Variants in USH2A observed in about 807,000 individuals in gnomAD.
USH2A encodes Usher syndrome 2A (autosomal recessive, mild).
In USH2A, 443 loss-of-function variants were observed where a neutral mutation model predicts 538.9. The ratio of observed to expected loss-of-function variants is 0.82; its 90% CI spans 0.76 to 0.89. The LOEUF (loss-of-function observed/expected upper bound fraction) is 0.89, where lower values mean the gene tolerates loss of function less well. USH2A is among the 40% of genes least tolerant of loss of function. USH2A has a pLI of 0.00. For missense variants in USH2A, 6,633 were observed against 6,324.8 expected (o/e 1.05, Z -1.65); for synonymous variants, 2,413 against 2,273.5 (o/e 1.06, Z -1.75).
intron 15 of USH2A, among the ~76,000 whole-genome samples, chr1:216,208,767 G>A (rs1261884938): frequency 6.6e-6 from 1 of 152,164 alleles, no homozygotes; most frequent in Non-Finnish European, 1.5e-5. Flanking sequence ...GCATATCAAT[G>A]AAGTCCAGGG....
chr1:216,311,755 C>T (rs2037424541), intron 9 of USH2A, among the ~76,000 whole-genome samples: 2 of 152,060 alleles, frequency 1.3e-5, no homozygotes, highest in South Asian at 4.2e-4. Context: ...TGCGAGAGTT[C>T]CAAGTTGACT....
chr1:215,923,090 C>A (rs1389428169), intron 38 of USH2A, among the ~76,000 whole-genome samples: 2 of 152,078 alleles, frequency 1.3e-5, no homozygotes. Flanking sequence ...TTAAGTTTAG[C>A]ATTTGGCATG....
chr1:216,201,471 G>A (rs963414721), intron 16 of USH2A, among the ~76,000 whole-genome samples: 8 of 151,724 alleles, frequency 5.3e-5, no homozygotes, highest in Admixed American at 4.6e-4. Context: ...CCACCACCAC[G>A]CCCGGCTAAT....
chr1:215,945,278 C>T (rs1349191232), intron 37 of USH2A, among the ~76,000 whole-genome samples: 3 of 152,086 alleles, frequency 2.0e-5, no homozygotes, highest in Non-Finnish European at 4.4e-5. Flanking sequence ...TTAAATCCCC[C>T]AGATGGTGGC....
At chr1:215,630,475 T>C (rs1254061331) in intron 70 of USH2A, among the ~76,000 whole-genome samples, 4 of 15,444 alleles carry the variant, frequency 2.6e-4, no homozygotes. Flanking sequence ...TATGTGTATG[T>C]GTGTGTGTAT....
intron 30 of USH2A, among the ~76,000 whole-genome samples, chr1:216,063,214 T>C (rs1215886359): frequency 6.6e-6 from 1 of 152,230 alleles, no homozygotes; most frequent in Admixed American, 6.5e-5. Context: ...GCAAAACAGC[T>C]GCCTCAAAAC....
At chr1:216,079,334 T>C (rs2031854692) in intron 26 of USH2A, 1 of 152,170 alleles carries the variant, frequency 6.6e-6, no homozygotes, top group Admixed American at 6.6e-5. Context: ...GGCAAACATG[T>C]GGGAGCAATA....
intron 61 of USH2A, among the ~76,000 whole-genome samples, chr1:215,696,318 G>C (rs559916284): frequency 1.6e-4 from 24 of 152,100 alleles, no homozygotes; most frequent in Non-Finnish European, 3.2e-4. Context: ...GCTGTCTTAG[G>C]AGTGGCAGAG....
intron 47 of USH2A, among the ~76,000 whole-genome samples, chr1:215,833,796 G>A (rs991759811): frequency 1.3e-5 from 2 of 151,970 alleles, no homozygotes; most frequent in Admixed American, 1.3e-4. Flanking sequence ...AATCACATAT[G>A]TGACAAAAAC....
intron 21 of USH2A, among the ~76,000 whole-genome samples, chr1:216,121,916 T>C (rs1260939947): frequency 6.6e-6 from 1 of 152,338 alleles, no homozygotes; most frequent in East Asian, 1.9e-4. Flanking sequence ...TGTTCAATAT[T>C]GAACATAAAT....
At chr1:216,301,764 A>AT (rs34707199) in intron 9 of USH2A, among the ~76,000 whole-genome samples, 1 of 152,166 alleles carries the variant, frequency 6.6e-6, no homozygotes, top group Non-Finnish European at 1.5e-5. Flanking sequence ...AAAAGAGGTA[A>AT]TTTTTTTAAC....
At chr1:216,123,405 T>C (rs2033175197) in intron 21 of USH2A, among the ~76,000 whole-genome samples, 1 of 152,218 alleles carries the variant, frequency 6.6e-6, no homozygotes, top group Admixed American at 6.5e-5. Context: ...TGATTAATGT[T>C]ATCTATGACA....
chr1:216,191,828 AT>A (rs1319925377), intron 19 of USH2A, among the ~76,000 whole-genome samples: 1 of 152,020 alleles, frequency 6.6e-6, no homozygotes, highest in Non-Finnish European at 1.5e-5. Context: ...AAGTACAACT[AT>A]TTTTTAAGCA....
chr1:215,882,534 T>C (rs931441411), intron 41 of USH2A, among the ~76,000 whole-genome samples: 5 of 152,184 alleles, frequency 3.3e-5, no homozygotes, highest in Non-Finnish European at 7.4e-5. Flanking sequence ...AGAGTACAAA[T>C]ATATAAATAC....
At chr1:216,152,124 C>G (rs536110667) in intron 21 of USH2A, among the ~76,000 whole-genome samples, 1 of 152,126 alleles carries the variant, frequency 6.6e-6, no homozygotes, top group Admixed American at 6.5e-5. Context: ...TCCATTCTCT[C>G]TCCATACCAC....
chr1:216,113,262 A>G (rs978607220), intron 21 of USH2A, among the ~76,000 whole-genome samples: 1 of 152,076 alleles, frequency 6.6e-6, no homozygotes, highest in Non-Finnish European at 1.5e-5. Flanking sequence ...TCTTAAATGG[A>G]GATACTGAAT....
chr1:215,653,143 T>G (rs944290405), intron 64 of USH2A, among the ~76,000 whole-genome samples: 1 of 152,220 alleles, frequency 6.6e-6, no homozygotes, highest in Non-Finnish European at 1.5e-5. Flanking sequence ...GGCTTTTTAA[T>G]GGTAGTGTCG....
chr1:215,639,326 C>T (rs1656603828), intron 68 of USH2A, 88 bp from the exon 69 acceptor site: 1 of 1,255,368 alleles, frequency 8.0e-7, no homozygotes, highest in Non-Finnish European at 1.2e-6. Context: ...TGCATCATAG[C>T]ATGAAAAATA....
At chr1:216,391,773 C>T (rs146552765) in intron 3 of USH2A, among the ~76,000 whole-genome samples, 2 of 152,186 alleles carry the variant, frequency 1.3e-5, no homozygotes, top group South Asian at 2.1e-4. Context: ...GGGTTGTTTC[C>T]CCTTGGGCGC....
Sources: allele counts gnomAD v4.1 joint callset (sites outside exome capture counted in the v4.1 genomes callset), GRCh38; gene constraint gnomAD v4.1.1; transcripts MANE v1.5; gene names NCBI Gene and HGNC (gene_info 2026-07-23, HGNC 2026-07-21).